The following SLC7A7 variants were observed in gnomAD, a reference collection of about 807,000 sequenced individuals.
The protein encoded by SLC7A7 is solute carrier family 7 member 7, also known as Y+L amino acid transporter 1.
Under a neutral mutation model 47.9 loss-of-function variants are expected in SLC7A7, and 39 were observed. The observed-to-expected ratio is 0.81, with a 90% CI of 0.63 to 1.06. SLC7A7 has a LOEUF of 1.06. SLC7A7 is among the 50% of genes least tolerant of loss of function. The pLI, the probability that SLC7A7 is intolerant of heterozygous loss-of-function variation, is 0.00. For synonymous variants in SLC7A7, 234 were observed against 242.8 expected (o/e 0.96, Z 0.34); for missense variants, 588 against 632.0 (o/e 0.93, Z 0.75).
At chr14:22,813,683 T>TCTCGG (rs1417336221) in intron 1 of SLC7A7, among the ~76,000 whole-genome samples, 1 of 119,140 alleles carries the variant, frequency 8.4e-6, no homozygotes, top group Non-Finnish European at 1.8e-5. Flanking sequence ...AGTGGTGCAA[T>TCTCGG]CTCGGCTCGG....
At chr14:22,795,412 T>C (rs565775637) in intron 2 of SLC7A7, among the ~76,000 whole-genome samples, 1 of 120,100 alleles carries the variant, frequency 8.3e-6, no homozygotes, top group Non-Finnish European at 1.7e-5. Flanking sequence ...CTTTCTTTCT[T>C]TCTTTCTTTC....
chr14:22,812,387 G>A (rs35758383), intron 2 of SLC7A7, among the ~76,000 whole-genome samples: 52,944 of 151,462 alleles, frequency 0.35, 10,696 homozygotes, highest in Admixed American at 0.46. Flanking sequence ...GGCTAGTCTC[G>A]AACTCCTGAC....
intron 9 of SLC7A7, 27 bp from the exon 10 acceptor site, chr14:22,773,743 TGA>T: frequency 6.2e-7 from 1 of 1,608,730 alleles, no homozygotes; most frequent in South Asian, 1.1e-5. Flanking sequence ...GAGTTGGAAT[TGA>T]GAAGAGGTCA....
In SLC7A7 at chr14:22,773,630, G is replaced by T. The variant is rs138506427; in HGVS notation, c.1516C>A (p.Arg506=). The stretch of plus-strand genomic sequence containing the variant: ...GGTGTTTAGTTAGATTTGGGATCCC[G>T]TTGCTTGGGCATCTCTCCTCCATCT... ...LEDGGEMPKQ[R]DPKSN The change falls in exon 10 of 10, where the codon CGG becomes AGG. Residue 506 remains arginine, a synonymous_variant. Coordinates refer to ENST00000674313, the MANE Select transcript of SLC7A7 (RefSeq NM_003982.4). 8.1e-6 allele frequency: 13 copies of T among 1,613,910 alleles called. No individual in the cohort carries two copies. Among genetic ancestry groups the T allele is most frequent in the Admixed American group, 3.3e-5 (2 of 59,998 alleles).
intron 1 of SLC7A7, chr14:22,814,717 G>A (rs2039379605): frequency 6.5e-6 from 1 of 153,244 alleles, no homozygotes; most frequent in African/African-American, 2.4e-5. Context: ...TAATCTGTGG[G>A]AGCGTCTCAT....
intron 3 of SLC7A7, among the ~76,000 whole-genome samples, chr14:22,779,530 C>T (rs567041188): frequency 1.3e-5 from 2 of 152,006 alleles, no homozygotes; most frequent in African/African-American, 4.8e-5. Context: ...TCTCAGCTCA[C>T]TGCAACCACC....
At chr14:22,815,739 A>T (rs756371839), upstream of SLC7A7, 1 of 450,956 alleles carries the variant, frequency 2.2e-6, no homozygotes, top group African/African-American at 2.0e-5. Flanking sequence ...AGAGCAAGTT[A>T]GCTGAGGACA....
chr14:22,814,987 C>A, intron 1 of SLC7A7: 1 of 233,098 alleles, frequency 4.3e-6, no homozygotes, highest in Non-Finnish European at 8.7e-6. Context: ...CGTTGAATCA[C>A]CCAAAAAAGT....
intron 4 of SLC7A7, 23 bp downstream of exon 4, chr14:22,778,770 A>G: frequency 1.2e-6 from 2 of 1,610,810 alleles, no homozygotes; most frequent in Non-Finnish European, 1.7e-6. Flanking sequence ...ACTGCTATGG[A>G]AAGTTGGTGG....
chr14:22,805,658 G>A (rs1207897002), intron 2 of SLC7A7, among the ~76,000 whole-genome samples: 1 of 152,150 alleles, frequency 6.6e-6, no homozygotes, highest in Non-Finnish European at 1.5e-5. Flanking sequence ...CATAGCTAAT[G>A]GATGCTAGGC....
At chr14:22,788,683 G>C (rs571826558) in intron 2 of SLC7A7, among the ~76,000 whole-genome samples, 1 of 147,832 alleles carries the variant, frequency 6.8e-6, no homozygotes, top group Non-Finnish European at 1.5e-5. Flanking sequence ...CAGCCCGGGC[G>C]ACAGAGTGAG....
At chr14:22,811,085 G>A (rs1356221664) in intron 2 of SLC7A7, among the ~76,000 whole-genome samples, 1 of 152,132 alleles carries the variant, frequency 6.6e-6, no homozygotes, top group East Asian at 1.9e-4. Context: ...ATGCAGAGAT[G>A]AGTCCAGGCC....
At chr14:22,780,085 C>G in intron 2 of SLC7A7, 34 bp from the exon 3 acceptor site, 1 of 1,612,610 alleles carries the variant, frequency 6.2e-7, no homozygotes, top group Non-Finnish European at 8.5e-7. Context: ...GGTGACTTAC[C>G]CTTACCACCC....
chr14:22,791,230 A>G (rs1166941494), intron 2 of SLC7A7, among the ~76,000 whole-genome samples: 1 of 152,112 alleles, frequency 6.6e-6, no homozygotes, highest in Non-Finnish European at 1.5e-5. Context: ...AAGCCTTATT[A>G]TACACATCTC....
intron 2 of SLC7A7, among the ~76,000 whole-genome samples, chr14:22,811,250 G>A (rs1009003869): frequency 2.6e-5 from 4 of 152,210 alleles, no homozygotes; most frequent in African/African-American, 9.6e-5. Flanking sequence ...TTGGAGAGCG[G>A]TGAGCCAATG....
Position 22,774,516 on chromosome 14 carries a change from G to C in SLC7A7, c.1096-13C>G. The C allele has an allele frequency of 6.2e-7, 1 of 1,614,120 alleles. No individual in the cohort carries two copies. The highest frequency in any genetic ancestry group is 2.2e-5 in the East Asian group (1 of 44,886). ...ATGCCATGATACCCTGTAAGCGTGA[G>C]CCTAAGTCAGCTCTTCTCAGGGCCT... On this transcript the variant is annotated splice_polypyrimidine_tract_variant and intron_variant, in intron 7 of 9. Coordinates refer to ENST00000674313, the MANE Select transcript of SLC7A7 (RefSeq NM_003982.4).
At chr14:22,807,399 CA>C (rs2039232241) in intron 2 of SLC7A7, among the ~76,000 whole-genome samples, 1 of 152,076 alleles carries the variant, frequency 6.6e-6, no homozygotes, top group African/African-American at 2.4e-5. Flanking sequence ...CACTAGTCCC[CA>C]TACCCCTGCT....
At chr14:22,791,064 C>G (rs145690001) in intron 2 of SLC7A7, among the ~76,000 whole-genome samples, 1 of 151,520 alleles carries the variant, frequency 6.6e-6, no homozygotes, top group East Asian at 1.9e-4. Flanking sequence ...GATAAGAGTT[C>G]AAAAGCATCA....
chr14:22,775,865 A>G lies in SLC7A7; in HGVS notation c.966T>C (p.Gly322=), dbSNP rs780862401. Residue 322 remains glycine (G), a synonymous_variant, in exon 6 of 10, where the codon GGT becomes GGC. Transcript: ENST00000674313. ...IPLSVALSCF[G]GLNASIVAAS... ...CAGCCACAATGGAGGCATTGAGGCCACCAAAACAGGATAATGCAACTGACA... is the reference window on the plus strand; with the variant it reads ...CAGCCACAATGGAGGCATTGAGGCCGCCAAAACAGGATAATGCAACTGACA... 6.2e-6 allele frequency: 10 copies of G among 1,614,074 alleles called. No homozygotes were observed. The Admixed American group carries it at 6.7e-5, about 11-fold the overall frequency.
Sources: gnomAD v4.1 joint callset for allele counts (sites outside exome capture counted in the v4.1 genomes callset) on GRCh38, gnomAD v4.1.1 for gene constraint, MANE v1.5 for transcripts, NCBI Gene and HGNC (gene_info 2026-07-23, HGNC 2026-07-21) for gene names.